SYTL2: variants seen among roughly 807,000 people sequenced by gnomAD.
SYTL2 encodes synaptotagmin like 2.
Under a neutral mutation model 198.7 loss-of-function variants are expected in SYTL2, and 165 were observed. The ratio of observed to expected loss-of-function variants is 0.83; its 90% CI spans 0.73 to 0.94. SYTL2 has a LOEUF of 0.94. Ranked by LOEUF, SYTL2 falls within the 40% of genes least tolerant of loss-of-function variation. The pLI, the probability that SYTL2 is intolerant of heterozygous loss-of-function variation, is 0.00. For missense variants in SYTL2, 2,835 were observed against 2,582.8 expected (o/e 1.10, Z -2.12); for synonymous variants, 966 against 917.7 (o/e 1.05, Z -0.95).
At chr11:85,775,339 A>T (rs575529442) in intron 1 of SYTL2, among the ~76,000 whole-genome samples, 1 of 152,180 alleles carries the variant, frequency 6.6e-6, no homozygotes, top group African/African-American at 2.4e-5. Context: ...GTTGTGAAGA[A>T]CATATTGGCC....
chr11:85,813,716 T>TTTCCTTCCTTCCTTCC, upstream of SYTL2, among the ~76,000 whole-genome samples: 1 of 107,272 alleles, frequency 9.3e-6, no homozygotes, highest in Non-Finnish European at 1.9e-5. Context: ...CCCTCCCTCC[T>TTTCCTTCCTTCCTTCC]TTCCTTCCTT....
At position 85,707,456 on chromosome 11, in the gene SYTL2, C is replaced by G. The variant is rs767720160; in HGVS notation, c.5991G>C (p.Leu1997Phe). The change falls in exon 15 of 20, where the codon TTG becomes TTC. Residue 1997 changes from leucine (L) to phenylalanine (F), a missense_variant. Around this residue, in one of 3 missense-constraint regions of SYTL2, gnomAD observed 2,645 missense variants for 2,381.7 expected, o/e 1.11. Transcript: ENST00000359152. ...KKKTLVVKKT[L>F]NPVYNEILRY... is the part of the protein sequence containing the mutation. ...GCAGTATTTCGTTATACACAGGATT[C>G]AAGGTTTTCTTCACTACGAGTGTTT... 6.2e-7 allele frequency: 1 copy of G among 1,613,936 alleles called. No individual in the cohort carries two copies.
At chr11:85,833,405 T>C in the SYTL2 span, among the ~76,000 whole-genome samples, 4 of 148,292 alleles carry the variant, frequency 2.7e-5, no homozygotes, top group South Asian at 2.1e-4. Context: ...TACATACCTA[T>C]ATATCATATA....
At chr11:85,798,340 T>G (rs2092834680) in intron 1 of SYTL2, among the ~76,000 whole-genome samples, 2 of 152,236 alleles carry the variant, frequency 1.3e-5, no homozygotes, top group Non-Finnish European at 2.9e-5. Flanking sequence ...CCCGTGAAAC[T>G]TTCTTAAGCA....
intron 9 of SYTL2, among the ~76,000 whole-genome samples, chr11:85,720,337 T>C (rs553366743): frequency 1.3e-5 from 2 of 152,344 alleles, no homozygotes; most frequent in South Asian, 2.1e-4. Flanking sequence ...ATGTTCTTGA[T>C]AATAGCCTGT....
chr11:85,757,820 CA>C lies in SYTL2; in HGVS notation c.-96del. ...CTGCAACCAGGAAGATTAAAACACA[CA>C]AAAATGAAATATCTTGTTCAGTTCT... On this transcript the variant is annotated 5_prime_UTR_variant, in exon 2 of 20. Coordinates refer to ENST00000359152, the MANE Select transcript of SYTL2 (RefSeq NM_206927.4). 1 of 1,552,124 alleles carries C rather than the reference CA, an allele frequency of 6.4e-7. No individual in the cohort carries two copies. The highest frequency in any genetic ancestry group is 8.7e-7 in the Non-Finnish European group (1 of 1,144,770).
the SYTL2 span, among the ~76,000 whole-genome samples, chr11:85,837,307 C>T: frequency 1.3e-5 from 2 of 152,114 alleles, no homozygotes; most frequent in South Asian, 2.1e-4. Flanking sequence ...AGTAGAACTG[C>T]TATCTTCATA....
chr11:85,700,679 T>C, intron 16 of SYTL2, 86 bp from the exon 17 acceptor site: 1 of 1,004,020 alleles, frequency 1.0e-6, no homozygotes, highest in South Asian at 1.3e-5. Flanking sequence ...ACCATATCTG[T>C]CCCATTTCTG....
At chr11:85,844,312 T>A in the SYTL2 span, among the ~76,000 whole-genome samples, 1 of 152,262 alleles carries the variant, frequency 6.6e-6, no homozygotes, top group Non-Finnish European at 1.5e-5. Flanking sequence ...CAAAACCATA[T>A]GAAGCGTGTA....
chr11:85,792,777 G>A lies in SYTL2; in HGVS notation c.-390+18177C>T, dbSNP rs34611629. Among the ~76,000 whole-genome samples the A allele has an allele frequency of 6.5e-3, 975 of 149,306 alleles. 27 individuals are homozygous for A. The highest frequency in any genetic ancestry group is 0.023 in the African/African-American group (924 of 40,464). The stretch of plus-strand genomic sequence containing the variant: ...AGATCTCCTAAAGCTATCCCTCCCC[G>A]CTCCCCACACCCCACAACAGTCCCC... On this transcript the variant is annotated intron_variant, in intron 1 of 19. Coordinates refer to ENST00000359152, the MANE Select transcript of SYTL2 (RefSeq NM_206927.4).
At chr11:85,764,576 C>T (rs2092189038) in intron 1 of SYTL2, among the ~76,000 whole-genome samples, 1 of 152,228 alleles carries the variant, frequency 6.6e-6, no homozygotes, top group Admixed American at 6.5e-5. Flanking sequence ...ACCCAAGTTT[C>T]CTGATTCCTA....
At chr11:85,850,975 A>G in the SYTL2 span, among the ~76,000 whole-genome samples, 7 of 140,774 alleles carry the variant, frequency 5.0e-5, no homozygotes, top group South Asian at 1.4e-3. Flanking sequence ...GAACTGAACA[A>G]TGAGATCACA....
At chr11:85,761,193 A>G (rs1198636609) in intron 1 of SYTL2, among the ~76,000 whole-genome samples, 2 of 152,256 alleles carry the variant, frequency 1.3e-5, no homozygotes, top group Admixed American at 1.3e-4. Context: ...ATACCAAATA[A>G]TTAAATTATA....
the SYTL2 span, chr11:85,853,398 A>C: frequency 7.1e-6 from 3 of 423,632 alleles, no homozygotes; most frequent in Non-Finnish European, 1.4e-5. Context: ...TGCTGTGTCC[A>C]CTCAGGGTTA....
At chr11:85,803,449 G>A (rs1458860284) in intron 1 of SYTL2, among the ~76,000 whole-genome samples, 3 of 152,180 alleles carry the variant, frequency 2.0e-5, no homozygotes. Context: ...CTTCATAACT[G>A]CAGGAATAAG....
In SYTL2 at chr11:85,694,864, T is replaced by C. The variant is rs2083205840; in HGVS notation, c.*331A>G. ...CAGAATTGTGGTGTGAAACACATGA[T>C]GGCAAACAAGAACATTTTGCTTCTT... is the stretch of plus-strand genomic sequence containing the variant. On this transcript the variant is annotated 3_prime_UTR_variant, in exon 20 of 20. Transcript: ENST00000359152. 1 of 179,878 alleles carries C rather than the reference T, an allele frequency of 5.6e-6. No individual in the cohort carries two copies. The highest frequency in any genetic ancestry group is 2.4e-5 in the African/African-American group (1 of 42,276). 11.1% of individuals were successfully genotyped at this position (179,878 alleles called of 1,614,324 possible).
chr11:85,831,015 C>T, the SYTL2 span, among the ~76,000 whole-genome samples: 3 of 152,280 alleles, frequency 2.0e-5, no homozygotes, highest in African/African-American at 4.8e-5. Flanking sequence ...TTCAGTTCTA[C>T]GCCCTGGGGT....
At position 85,726,816 on chromosome 11, in the gene SYTL2, C is replaced by T. The variant is rs1416988772; in HGVS notation, c.2542G>A (p.Glu848Lys). Reference protein sequence around the residue: ...SMDSLSTDQSEYNQAIPKRVV... With the variant: ...SMDSLSTDQSKYNQAIPKRVV... ...CGTTTGGGAATGGCCTGATTATATT[C>T]ACTCTGGTCTGTAGATAAACTGTCC... Residue 848 changes from glutamate to lysine, a missense_variant, in exon 8 of 20, where the codon GAA becomes AAA. Physicochemically the swap from Glu to Lys is moderately conservative, Grantham distance 56. Coordinates refer to ENST00000359152, the MANE Select transcript of SYTL2 (RefSeq NM_206927.4). 3.9e-6 allele frequency: 6 copies of T among 1,536,188 alleles called. No individual in the cohort carries two copies. The African/African-American group carries it at 6.8e-5, about 18-fold the overall frequency.
In SYTL2 at chr11:85,727,777, G is replaced by A; in HGVS notation, c.1581C>T (p.Asn527=). 4 of 1,581,322 alleles carry A rather than the reference G, an allele frequency of 2.5e-6. No homozygotes were observed. Among genetic ancestry groups the A allele is most frequent in the Non-Finnish European group, 3.4e-6 (4 of 1,163,002 alleles). The change falls in exon 8 of 20, where the codon AAC becomes AAT. Residue 527 remains asparagine, a synonymous_variant. Transcript: ENST00000359152. ...TATTGTCATCTGAATAAGAACTTCG[G>A]TTAAACCAGTCTAGAACTTTAAATA... ...DSIFKVLDWF[N]RSSYSDDNKS... is the part of the protein sequence containing the mutation.
Sources: gnomAD v4.1 joint callset for allele counts (sites outside exome capture counted in the v4.1 genomes callset) on GRCh38, gnomAD v4.1.1 for gene constraint, gnomAD v4.1.1 regional missense constraint, MANE v1.5 for transcripts, NCBI Gene and HGNC (gene_info 2026-07-23, HGNC 2026-07-21) for gene names.